Variants in TCOF1 observed in about 807,000 individuals in gnomAD.
The protein encoded by TCOF1 is treacle protein.
In TCOF1, 33 loss-of-function variants were observed where a neutral mutation model predicts 149.0. That is an observed-to-expected ratio of 0.22 (90% CI 0.17 to 0.30). The LOEUF (loss-of-function observed/expected upper bound fraction) is 0.30. Ranked by LOEUF, TCOF1 falls within the 10% of genes least tolerant of loss-of-function variation. The pLI, the probability that TCOF1 is intolerant of heterozygous loss-of-function variation, is 1.00. For synonymous variants in TCOF1, 789 were observed against 738.8 expected, an observed-to-expected ratio of 1.07 and a Z score of -1.10; for missense variants, 1,728 against 1,840.7, an observed-to-expected ratio of 0.94 and a Z score of 1.12.
At chr5:150,383,248 T>G in intron 17 of TCOF1, 1 of 1,270,536 alleles carries the variant, frequency 7.9e-7, no homozygotes, top group East Asian at 2.5e-5. Flanking sequence ...AGGGCAGATC[T>G]TGCCCATAGG....
At chr5:150,364,519 A>G (rs1020089781) in intron 3 of TCOF1, among the ~76,000 whole-genome samples, 17 of 152,184 alleles carry the variant, frequency 1.1e-4, no homozygotes, top group Non-Finnish European at 2.9e-5. Flanking sequence ...GAGCTGCCCT[A>G]TTACAGGCTC....
intron 18 of TCOF1, among the ~76,000 whole-genome samples, chr5:150,389,643 G>A (rs975057382): frequency 2.0e-5 from 3 of 152,252 alleles, no homozygotes; most frequent in African/African-American, 7.2e-5. Flanking sequence ...TGGGAGGGGA[G>A]GGGATGAGGA....
In TCOF1 at chr5:150,375,859, TCGGACAGTG is replaced by T. The variant is rs1231472147; in HGVS notation, c.1853_1861del (p.Ala618_Ser620del). The T allele has an allele frequency of 8.7e-6, 14 of 1,613,668 alleles. No homozygotes were observed. The highest frequency in any genetic ancestry group is 1.1e-5 in the Non-Finnish European group (13 of 1,179,760). On this transcript the variant is annotated inframe_deletion, in exon 12 of 27. Transcript: ENST00000643257. Reference sequence around the variant, plus strand: ...CAACTCGGAGAGCAGCGAGGAGTCATCGGACAGTGCGGACAGTGAGGAGGCACCAGCAGC... The same window carrying T: ...CAACTCGGAGAGCAGCGAGGAGTCATCGGACAGTGAGGAGGCACCAGCAGC...
chr5:150,371,822 A>G (rs1458520242), intron 6 of TCOF1, among the ~76,000 whole-genome samples, 184 bp from the exon 7 acceptor site: 1 of 152,126 alleles, frequency 6.6e-6, no homozygotes, highest in African/African-American at 2.4e-5. Flanking sequence ...GAGTGATTTT[A>G]CCTCTTTAAG....
chr5:150,382,846 G>A (rs916463882), intron 17 of TCOF1, among the ~76,000 whole-genome samples: 2 of 152,230 alleles, frequency 1.3e-5, no homozygotes, highest in African/African-American at 2.4e-5. Context: ...TTTCATGTTC[G>A]GAGTCAGCTC....
chr5:150,394,652 C>T (rs902057966), intron 23 of TCOF1: 1 of 152,206 alleles, frequency 6.6e-6, no homozygotes, highest in African/African-American at 2.4e-5. Flanking sequence ...CGCAGTGGCT[C>T]GTGCCTATAA....
At chr5:150,392,585 G>T in intron 21 of TCOF1, 120 bp from the exon 22 acceptor site, 1 of 907,164 alleles carries the variant, frequency 1.1e-6, no homozygotes. Context: ...TTGTGGTGAG[G>T]CGGGGCAGGG....
chr5:150,368,008 G>A (rs1761724765), intron 4 of TCOF1, 91 bp downstream of exon 4: 1 of 1,428,726 alleles, frequency 7.0e-7, no homozygotes, highest in Non-Finnish European at 9.8e-7. Context: ...ATAGGGTTGT[G>A]AGTAATTGCC....
At chr5:150,363,115 T>C (rs1222978377) in intron 2 of TCOF1, among the ~76,000 whole-genome samples, 1 of 152,178 alleles carries the variant, frequency 6.6e-6, no homozygotes, top group Admixed American at 6.5e-5. Context: ...CCCGACTTCC[T>C]GCACCCGCCT....
chr5:150,358,259 G>T (rs937423249), intron 1 of TCOF1, among the ~76,000 whole-genome samples: 2 of 152,124 alleles, frequency 1.3e-5, no homozygotes, highest in Admixed American at 1.3e-4. Flanking sequence ...CCAGCCCCTC[G>T]GGGGAGCGCC....
intron 14 of TCOF1, 65 bp from the exon 15 acceptor site, chr5:150,378,840 A>G: frequency 6.2e-7 from 1 of 1,611,486 alleles, no homozygotes; most frequent in Admixed American, 1.7e-5. Context: ...CAGAGTCTGT[A>G]TTCTTGGCTA....
intron 17 of TCOF1, among the ~76,000 whole-genome samples, chr5:150,385,330 C>G (rs543544806): frequency 6.6e-6 from 1 of 152,330 alleles, no homozygotes; most frequent in East Asian, 1.9e-4. Flanking sequence ...GAGCTCCAGT[C>G]TGGTGCCTGG....
intron 3 of TCOF1, among the ~76,000 whole-genome samples, chr5:150,365,958 A>T (rs547619155): frequency 6.6e-6 from 1 of 152,038 alleles, no homozygotes; most frequent in South Asian, 2.1e-4. Context: ...CTGTATCTAC[A>T]AAAAATTTAA....
rs1377175329 is a variant in TCOF1 at position 150,396,364 on chromosome 5, C to T, written c.3867C>T (p.Thr1289=). 6.2e-7 allele frequency: 1 copy of T among 1,614,006 alleles called. No individual in the cohort carries two copies. The highest frequency in any genetic ancestry group is 2.2e-5 in the East Asian group (1 of 44,866). Residue 1289 remains threonine, a synonymous_variant, in exon 24 of 27, where the codon ACC becomes ACT. Transcript: ENST00000643257. The part of the protein sequence containing the change: ...KKGAGNPQAS[T]LALQSNITQC... ...GGGCTGGGAACCCCCAAGCCTCAACCCTGGCGCTGCAAAGCAACATCACCC... is the reference window on the plus strand; with the variant it reads ...GGGCTGGGAACCCCCAAGCCTCAACTCTGGCGCTGCAAAGCAACATCACCC...
chr5:150,365,856 C>G (rs1431260201), intron 3 of TCOF1, among the ~76,000 whole-genome samples: 2 of 151,992 alleles, frequency 1.3e-5, no homozygotes, highest in Non-Finnish European at 1.5e-5. Flanking sequence ...GTGGCTCACA[C>G]CCACCGGTAA....
chr5:150,357,929 C>A, intron 1 of TCOF1, 75 bp downstream of exon 1: 1 of 1,474,558 alleles, frequency 6.8e-7, no homozygotes, highest in Non-Finnish European at 9.2e-7. Context: ...CGCGCCCCGT[C>A]CCCAGGCGAC....
chr5:150,380,726 C>T (rs762226894), intron 17 of TCOF1: 4 of 152,158 alleles, frequency 2.6e-5, no homozygotes, highest in South Asian at 2.1e-4. Flanking sequence ...TGATAGATGT[C>T]GGCCGGGTGC....
At chr5:150,369,289 T>C (rs1420477319) in intron 5 of TCOF1, among the ~76,000 whole-genome samples, 1 of 152,218 alleles carries the variant, frequency 6.6e-6, no homozygotes, top group Non-Finnish European at 1.5e-5. Flanking sequence ...CAGGTGCTGG[T>C]GCATATTTGT....
In TCOF1 at chr5:150,392,056, G is replaced by A. The variant is rs1561531581; in HGVS notation, c.3397G>A (p.Val1133Ile). 4 of 1,614,208 alleles carry A rather than the reference G, an allele frequency of 2.5e-6. No homozygotes were observed. Among genetic ancestry groups the A allele is most frequent in the Non-Finnish European group, 3.4e-6 (4 of 1,180,038 alleles). ...NKLRKPKLPE[V>I]QQATKAPESS... The stretch of plus-strand genomic sequence containing the variant: ...GCTCAGAAAACCTAAGCTTCCTGAG[G>A]TCCAGCAGGCCACCAAAGCCCCTGA... The change falls in exon 21 of 27, where the codon GTC becomes ATC. Residue 1133 changes from valine (V) to isoleucine (I), a missense_variant. Around this residue, in one of 2 missense-constraint regions of TCOF1, gnomAD observed 1,696 missense variants for 1,765.4 expected, o/e 0.96. Coordinates refer to ENST00000643257, the MANE Select transcript of TCOF1 (RefSeq NM_001371623.1).
Sources: allele counts gnomAD v4.1 joint callset (sites outside exome capture counted in the v4.1 genomes callset), GRCh38; gene constraint gnomAD v4.1.1; regional missense constraint gnomAD v4.1.1; transcripts MANE v1.5; gene names NCBI Gene and HGNC (gene_info 2026-07-23, HGNC 2026-07-21).